The following ARFGEF3 variants were observed in gnomAD, a reference collection of about 807,000 sequenced individuals.
ARFGEF3 encodes the protein brefeldin A-inhibited guanine nucleotide-exchange protein 3.
Under a neutral mutation model 221.7 loss-of-function variants are expected in ARFGEF3, and 96 were observed. That is an observed-to-expected ratio of 0.43 (90% CI 0.37 to 0.51). The LOEUF is 0.51. Ranked by LOEUF, ARFGEF3 falls within the 20% of genes least tolerant of loss-of-function variation. The pLI is 0.00. For missense variants in ARFGEF3, 2,410 were observed against 2,789.9 expected, an observed-to-expected ratio of 0.86 and a Z score of 3.07; for synonymous variants, 1,145 against 1,126.8, an observed-to-expected ratio of 1.02 and a Z score of -0.32.
At chr6:138,314,824 G>A (rs77258771) in intron 26 of ARFGEF3, among the ~76,000 whole-genome samples, 4,352 of 152,306 alleles carry the variant, frequency 0.029, 73 homozygotes, top group South Asian at 0.045. Flanking sequence ...TCAAACCGTA[G>A]CATAGATCAT....
chr6:138,275,746 G>GAA (rs541515243), intron 12 of ARFGEF3, among the ~76,000 whole-genome samples: 3 of 111,444 alleles, frequency 2.7e-5, no homozygotes, highest in Non-Finnish European at 3.8e-5. Context: ...TCTGACTCAG[G>GAA]AAAAAAAAAA....
intron 28 of ARFGEF3, among the ~76,000 whole-genome samples, chr6:138,320,220 C>T (rs1231404701): frequency 6.6e-6 from 1 of 152,118 alleles, no homozygotes; most frequent in Non-Finnish European, 1.5e-5. Flanking sequence ...CAGCAATATC[C>T]CCGTAGCCTG....
At chr6:138,265,501 A>T (rs959949291) in intron 12 of ARFGEF3, among the ~76,000 whole-genome samples, 2 of 152,180 alleles carry the variant, frequency 1.3e-5, no homozygotes, top group Admixed American at 6.5e-5. Context: ...TTGGAAGACT[A>T]GGAAAATGTA....
chr6:138,263,770 A>G (rs1194379558), intron 12 of ARFGEF3, among the ~76,000 whole-genome samples, 159 bp downstream of exon 12: 1 of 152,236 alleles, frequency 6.6e-6, no homozygotes, highest in Non-Finnish European at 1.5e-5. Context: ...TCTAAGACCT[A>G]TTAGTGGTGG....
At chr6:138,303,219 C>G (rs1583057827) in intron 22 of ARFGEF3, among the ~76,000 whole-genome samples, 1 of 151,902 alleles carries the variant, frequency 6.6e-6, no homozygotes, top group East Asian at 1.9e-4. Flanking sequence ...ATCCCTAGGG[C>G]AGCAACCAAG....
At chr6:138,309,366 A>T (rs1238038323) in intron 24 of ARFGEF3, among the ~76,000 whole-genome samples, 17 of 152,200 alleles carry the variant, frequency 1.1e-4, no homozygotes, top group Non-Finnish European at 1.8e-4. Flanking sequence ...AATTAAGTAT[A>T]AAATCATCTG....
intron 1 of ARFGEF3, among the ~76,000 whole-genome samples, chr6:138,167,815 A>G (rs545240508): frequency 1.3e-5 from 2 of 152,252 alleles, no homozygotes; most frequent in East Asian, 3.9e-4. Context: ...TCTTTTCATG[A>G]CATGCCATGT....
intron 22 of ARFGEF3, among the ~76,000 whole-genome samples, chr6:138,302,031 G>A (rs1041453635): frequency 6.6e-6 from 1 of 152,156 alleles, no homozygotes; most frequent in African/African-American, 2.4e-5. Context: ...ATCCAGCACT[G>A]CTACAATATA....
intron 1 of ARFGEF3, among the ~76,000 whole-genome samples, chr6:138,165,523 G>A (rs1401727601): frequency 4.1e-5 from 6 of 147,198 alleles, no homozygotes; most frequent in Non-Finnish European, 7.5e-5. Flanking sequence ...GGGGAGAGGG[G>A]CATCTCCCTC....
intron 4 of ARFGEF3, among the ~76,000 whole-genome samples, chr6:138,226,546 A>G (rs1189019837): frequency 6.7e-6 from 1 of 149,114 alleles, no homozygotes; most frequent in East Asian, 2.0e-4. Context: ...AGATTGCAGG[A>G]CGCTGCCCAT....
chr6:138,232,364 G>A (rs1368361341), intron 5 of ARFGEF3, among the ~76,000 whole-genome samples: 1 of 152,182 alleles, frequency 6.6e-6, no homozygotes, highest in African/African-American at 2.4e-5. Flanking sequence ...AATTAGCCAG[G>A]CGTGGTGGTG....
In ARFGEF3 at chr6:138,299,689, A is replaced by G. The variant is rs1327782249; in HGVS notation, c.3828+904A>G. On this transcript the variant is annotated intron_variant, in intron 22 of 33. Coordinates refer to ENST00000251691, the MANE Select transcript of ARFGEF3 (RefSeq NM_020340.5). ...GGAATTTGCTAGCAAGTGGAGCAGA[A>G]GTTCTGGTCATCCCAGACGTGAGTG... Among the ~76,000 whole-genome samples, 4 of 142,904 alleles carry G rather than the reference A, an allele frequency of 2.8e-5. No individual in the cohort carries two copies. The East Asian group carries it at 7.7e-4, about 27-fold the overall frequency. 93.8% of individuals were successfully genotyped at this position (142,904 alleles called of 152,430 possible).
chr6:138,165,544 A>G (rs535968251), intron 1 of ARFGEF3, among the ~76,000 whole-genome samples: 2 of 151,138 alleles, frequency 1.3e-5, no homozygotes, highest in Non-Finnish European at 3.0e-5. Flanking sequence ...TGAGACCCTC[A>G]TGAGAGAGAG....
chr6:138,214,499 G>A (rs1020263142), intron 4 of ARFGEF3, among the ~76,000 whole-genome samples: 1 of 152,176 alleles, frequency 6.6e-6, no homozygotes, highest in African/African-American at 2.4e-5. Flanking sequence ...TTGTCTGTCC[G>A]ACCACAGCAT....
chr6:138,214,529 T>C (rs1019314920), intron 4 of ARFGEF3, among the ~76,000 whole-genome samples: 9 of 152,332 alleles, frequency 5.9e-5, no homozygotes, highest in Admixed American at 1.3e-4. Flanking sequence ...TTATAACGGA[T>C]CCTAGGTGTT....
At chr6:138,327,773 G>C (rs1780152614) in intron 31 of ARFGEF3, among the ~76,000 whole-genome samples, 1 of 152,140 alleles carries the variant, frequency 6.6e-6, no homozygotes, top group African/African-American at 2.4e-5. Context: ...ATTGTCACAT[G>C]GTAGAACTAG....
intron 2 of ARFGEF3, among the ~76,000 whole-genome samples, chr6:138,200,087 G>C (rs575735595): frequency 4.6e-4 from 70 of 152,186 alleles, no homozygotes; most frequent in African/African-American, 1.6e-3. Context: ...AATCATAAAG[G>C]GATGCTGGAT....
Position 138,284,930 on chromosome 6 carries a change from T to C in ARFGEF3, c.2462-1016T>C, listed in dbSNP as rs377668567. 5.2e-3 allele frequency among the ~76,000 whole-genome samples: 793 copies of C among 152,336 alleles called. 3 individuals carry two copies. Among genetic ancestry groups the C allele is most frequent in the South Asian group, 8.3e-3 (40 of 4,826 alleles). On this transcript the variant is annotated intron_variant, in intron 14 of 33. Transcript: ENST00000251691. ...GTGTGTATTGAATACTGTAAGCAGCTGTCATAACAGAGTAGTATTTGTGTA... is the reference window on the plus strand; with the variant it reads ...GTGTGTATTGAATACTGTAAGCAGCCGTCATAACAGAGTAGTATTTGTGTA...
At chr6:138,168,114 A>G (rs961993899) in intron 1 of ARFGEF3, among the ~76,000 whole-genome samples, 1 of 152,218 alleles carries the variant, frequency 6.6e-6, no homozygotes, top group Admixed American at 6.5e-5. Context: ...TACTGTTCCA[A>G]GTGTTAGGGA....
Sources: gnomAD v4.1 joint callset for allele counts (sites outside exome capture counted in the v4.1 genomes callset) on GRCh38, gnomAD v4.1.1 for gene constraint, MANE v1.5 for transcripts, NCBI Gene and HGNC (gene_info 2026-07-23, HGNC 2026-07-21) for gene names.